Variants in DNAH6 observed in about 807,000 individuals in gnomAD.
DNAH6 encodes axonemal beta dynein heavy chain 6.
DNAH6 carries 340 observed loss-of-function variants against 491.4 expected under a neutral mutation model. That is an observed-to-expected ratio of 0.69 (90% confidence interval 0.63 to 0.76). DNAH6 has a LOEUF of 0.76. Among genes scored for constraint, DNAH6 ranks in the 30% least tolerant of loss-of-function variants. The probability of loss-of-function intolerance (pLI) is 0.00; values close to 1 mark genes in which losing one functional copy is unlikely to be tolerated. For missense variants in DNAH6, 4,443 were observed against 4,972.2 expected (o/e 0.89, Z 3.20); for synonymous variants, 1,603 against 1,686.1 (o/e 0.95, Z 1.21).
chr2:84,744,419 A>T (rs909229238), intron 62 of DNAH6, among the ~76,000 whole-genome samples: 1 of 152,252 alleles, frequency 6.6e-6, no homozygotes, highest in African/African-American at 2.4e-5. Flanking sequence ...TAACTTTCAT[A>T]CAAGATACAA....
rs768599507 is a variant in DNAH6 at position 84,604,470 on chromosome 2, T to C, written c.3000T>C (p.His1000=). 99 of 1,551,686 alleles carry C rather than the reference T, an allele frequency of 6.4e-5. No individual in the cohort carries two copies. The highest frequency in any genetic ancestry group is 8.4e-5 in the Non-Finnish European group (96 of 1,147,006). Reference sequence around the variant, plus strand: ...CCTTGGAGAGGCTCTCCCAGTTGCATGTTTTTGACTTTGGTCAAGAAATCC... The same window carrying C: ...CCTTGGAGAGGCTCTCCCAGTTGCACGTTTTTGACTTTGGTCAAGAAATCC... ...PLTLERLSQL[H]VFDFGQEIQD... is the part of the protein sequence containing the mutation. Residue 1000 remains histidine, a synonymous_variant, in exon 19 of 77, where the codon CAT becomes CAC. Coordinates refer to ENST00000389394, the MANE Select transcript of DNAH6 (RefSeq NM_001370.2).
rs1395659826 is a variant in DNAH6, at chr2:84,697,738, C to T, written c.7677+11C>T. 1 of 1,551,418 alleles carries T rather than the reference C, an allele frequency of 6.4e-7. No homozygotes were observed. Among genetic ancestry groups the T allele is most frequent in the East Asian group, 2.4e-5 (1 of 40,908 alleles). On this transcript the variant is annotated intron_variant, in intron 47 of 76. Transcript: ENST00000389394. ...GGGAACAGAGACGAGGTAGGATGTG[C>T]CAGAGTAGTTATGTGGCTTTATCAC... is the stretch of plus-strand genomic sequence containing the variant.
At chr2:84,581,935 C>G (rs1458705727) in intron 14 of DNAH6, among the ~76,000 whole-genome samples, 1 of 152,074 alleles carries the variant, frequency 6.6e-6, no homozygotes, top group Non-Finnish European at 1.5e-5. Context: ...AATTCATTGT[C>G]CGATCAGGAC....
rs5832617 is a variant in DNAH6, at chr2:84,605,352, C to CAAAAAAA, written c.3082-136_3082-130dup. On this transcript the variant is annotated intron_variant, in intron 19 of 76. Transcript: ENST00000389394. ...TGGGTGACAGAGTGAGACTCTATCTCAAAAAAAAAAAAAAAAAAGAATTTT... is the reference window on the plus strand; with the variant it reads ...TGGGTGACAGAGTGAGACTCTATCTCAAAAAAAAAAAAAAAAAAAAAAAAAGAATTTT... 7.2e-3 allele frequency: 2,426 copies of CAAAAAAA among 337,092 alleles called. 84 individuals are homozygous for CAAAAAAA. The highest frequency in any genetic ancestry group is 0.07 in the African/African-American group (2,248 of 31,970). The allele number at this position is 337,092 out of a possible 1,614,324, so 20.9% of individuals were successfully genotyped here. A position where few individuals can be genotyped will look rare whatever the true frequency, so the allele number is the denominator to read the frequency against.
chr2:84,710,387 T>G lies in DNAH6; in HGVS notation c.9353T>G (p.Leu3118Arg). ...FLRILENSIR[L>R]GLPVLLEELK... ...CGAATACTCGAGAATTCAATCCGAC[T>G]TGGTTTACCTGTCTTACTGGAAGAG... Residue 3118 changes from leucine to arginine, a missense_variant, in exon 56 of 77, where the codon CTT becomes CGT. Physicochemically the swap from Leu to Arg is moderately radical, Grantham distance 102. Coordinates refer to ENST00000389394, the MANE Select transcript of DNAH6 (RefSeq NM_001370.2). 1 of 1,551,832 alleles carries G rather than the reference T, an allele frequency of 6.4e-7. No homozygotes were observed. Among genetic ancestry groups the G allele is most frequent in the Non-Finnish European group, 8.7e-7 (1 of 1,146,974 alleles).
rs1678567350 is a variant in DNAH6 at position 84,544,342 on chromosome 2, G to C, written c.772G>C (p.Glu258Gln). The change falls in exon 5 of 77, where the codon GAA becomes CAA. Residue 258 changes from glutamate to glutamine, a missense_variant. Glu to Gln is a conservative substitution (Grantham distance 29). This residue lies in a region of DNAH6 where 2,977 missense variants were observed against 3,296.6 expected (regional missense o/e 0.90). Transcript: ENST00000389394. ...DIEFIEIDRWEQEYLYHRELT... is the reference protein window; with the variant it reads ...DIEFIEIDRWQQEYLYHRELT... ...TGAATTTATCGAAATTGATCGATGG[G>C]AACAGGAATATCTGTATCACAGAGA... is the stretch of plus-strand genomic sequence containing the variant. The C allele has an allele frequency of 1.9e-5, 29 of 1,544,602 alleles. No homozygotes were observed. Among genetic ancestry groups the C allele is most frequent in the Non-Finnish European group, 2.5e-5 (28 of 1,141,018 alleles).
the DNAH6 span, among the ~76,000 whole-genome samples, chr2:84,507,745 A>T: frequency 2.6e-5 from 4 of 152,226 alleles, no homozygotes. Flanking sequence ...CGTCCCATCA[A>T]TACCTAATTT....
At chr2:84,562,657 A>G (rs1446995930) in intron 11 of DNAH6, among the ~76,000 whole-genome samples, 1 of 152,170 alleles carries the variant, frequency 6.6e-6, no homozygotes, top group Admixed American at 6.5e-5. Context: ...ACGAAGGGAA[A>G]AGGCACATGG....
chr2:84,810,816 G>T (rs1029421103), intron 72 of DNAH6, among the ~76,000 whole-genome samples: 1 of 152,200 alleles, frequency 6.6e-6, no homozygotes, highest in Non-Finnish European at 1.5e-5. Flanking sequence ...GAGAAGGAAA[G>T]CCTTTGAAGT....
intron 68 of DNAH6, among the ~76,000 whole-genome samples, chr2:84,789,544 G>A (rs79112737): frequency 0.011 from 1,726 of 152,288 alleles, 35 homozygotes; most frequent in African/African-American, 0.04. Context: ...GGATGGAAGT[G>A]GTCCAGTCAA....
At chr2:84,776,874 G>A (rs1439618706) in intron 64 of DNAH6, among the ~76,000 whole-genome samples, 1 of 152,212 alleles carries the variant, frequency 6.6e-6, no homozygotes, top group Non-Finnish European at 1.5e-5. Flanking sequence ...ACTGGATTAA[G>A]AAAATGTGGC....
Position 84,758,444 on chromosome 2 carries a change from A to T in DNAH6, c.10513-4311A>T, listed in dbSNP as rs1427492. 8.1e-3 allele frequency among the ~76,000 whole-genome samples: 1,232 copies of T among 152,270 alleles called. 5 individuals are homozygous for T. Among genetic ancestry groups the T allele is most frequent in the Non-Finnish European group, 0.012 (827 of 68,014 alleles). On this transcript the variant is annotated intron_variant, in intron 63 of 76. Coordinates refer to ENST00000389394, the MANE Select transcript of DNAH6 (RefSeq NM_001370.2). ...TCTATGAGGCCAGTATTATCCTGATACCAAAACCAGATAAGGACACAACAA... is the reference window on the plus strand; with the variant it reads ...TCTATGAGGCCAGTATTATCCTGATTCCAAAACCAGATAAGGACACAACAA...
intron 37 of DNAH6, among the ~76,000 whole-genome samples, chr2:84,661,948 C>G (rs1255192470): frequency 2.0e-5 from 3 of 152,032 alleles, no homozygotes; most frequent in Non-Finnish European, 4.4e-5. Context: ...ATCAAATAGA[C>G]AAACTAGTAT....
intron 22 of DNAH6, among the ~76,000 whole-genome samples, chr2:84,614,699 A>T (rs773104504): frequency 8.1e-6 from 1 of 124,078 alleles, no homozygotes; most frequent in South Asian, 2.6e-4. Flanking sequence ...AACATCTATT[A>T]TTTTTTTTAT....
intron 62 of DNAH6, among the ~76,000 whole-genome samples, chr2:84,740,794 T>C (rs1258929358): frequency 1.3e-5 from 2 of 152,122 alleles, no homozygotes; most frequent in Non-Finnish European, 2.9e-5. Context: ...GGGAAAAACC[T>C]CAGCTTCAGC....
At chr2:84,651,422 C>T (rs2104554928) in intron 33 of DNAH6, among the ~76,000 whole-genome samples, 1 of 152,330 alleles carries the variant, frequency 6.6e-6, no homozygotes, top group South Asian at 2.1e-4. Context: ...GAAGTCTGGG[C>T]TCCGCACTCA....
Position 84,819,403 on chromosome 2 carries a change from G to A in DNAH6, c.12472G>A (p.Glu4158Lys), listed in dbSNP as rs371875383. ...KGSALLCQLS[E>K] is the part of the protein sequence containing the mutation. Reference sequence around the variant, plus strand: ...ATCAGCTTTGCTCTGCCAGCTGAGCGAATGAAAAGGTGCCACCTCAGCCCT... The same window carrying A: ...ATCAGCTTTGCTCTGCCAGCTGAGCAAATGAAAAGGTGCCACCTCAGCCCT... Residue 4158 changes from glutamate (E) to lysine (K), a missense_variant, in exon 77 of 77, where the codon GAA becomes AAA. Glu to Lys is a moderately conservative substitution (Grantham distance 56, BLOSUM62 1). This residue lies in a region of DNAH6 where 1,463 missense variants were observed against 1,656.6 expected (regional missense o/e 0.88). Transcript: ENST00000389394. 1.4e-5 allele frequency: 22 copies of A among 1,548,440 alleles called. No individual in the cohort carries two copies. The highest frequency in any genetic ancestry group is 2.7e-5 in the African/African-American group (2 of 72,936).
At chr2:84,642,237 A>G (rs1689483809) in intron 33 of DNAH6, among the ~76,000 whole-genome samples, 183 bp downstream of exon 33, 1 of 152,182 alleles carries the variant, frequency 6.6e-6, no homozygotes, top group African/African-American at 2.4e-5. Context: ...GCATAATTAC[A>G]ATCATTTGTG....
intron 9 of DNAH6, 92 bp downstream of exon 9, chr2:84,550,149 CT>C: frequency 9.5e-7 from 1 of 1,049,706 alleles, no homozygotes; most frequent in South Asian, 2.0e-5. Flanking sequence ...TTTCTGTGCA[CT>C]AAAAAAAAAA....
Sources: gnomAD v4.1 joint callset for allele counts (sites outside exome capture counted in the v4.1 genomes callset) on GRCh38, gnomAD v4.1.1 for gene constraint, gnomAD v4.1.1 regional missense constraint, MANE v1.5 for transcripts, NCBI Gene and HGNC (gene_info 2026-07-23, HGNC 2026-07-21) for gene names.